The following PDE3A variants were observed in gnomAD, a reference collection of about 807,000 sequenced individuals.
PDE3A encodes the protein phosphodiesterase 3A.
In PDE3A, 43 loss-of-function variants were observed where a neutral mutation model predicts 98.3. The observed-to-expected ratio is 0.44, with a 90% CI of 0.34 to 0.56. The LOEUF (loss-of-function observed/expected upper bound fraction) is 0.56. PDE3A is among the 20% of genes least tolerant of loss of function. The pLI, the probability that PDE3A is intolerant of heterozygous loss-of-function variation, is 0.01. For missense variants in PDE3A, 1,427 were observed against 1,440.7 expected, an observed-to-expected ratio of 0.99 and a Z score of 0.15; for synonymous variants, 663 against 567.9, an observed-to-expected ratio of 1.17 and a Z score of -2.38.
chr12:20,515,174 T>G (rs1286304157), intron 1 of PDE3A, among the ~76,000 whole-genome samples: 3 of 152,174 alleles, frequency 2.0e-5, no homozygotes. Flanking sequence ...TCAACGTAAG[T>G]TTGAAGGGGA....
At chr12:20,540,755 T>C (rs900618266) in intron 1 of PDE3A, among the ~76,000 whole-genome samples, 1 of 152,072 alleles carries the variant, frequency 6.6e-6, no homozygotes, top group South Asian at 2.1e-4. Context: ...AATTTTTCTG[T>C]GGTAATTTCA....
intron 1 of PDE3A, among the ~76,000 whole-genome samples, chr12:20,536,867 G>T (rs556399468): frequency 1.3e-5 from 2 of 152,082 alleles, no homozygotes; most frequent in East Asian, 3.9e-4. Context: ...TCAAATTTTT[G>T]TGTGGATATT....
At chr12:20,406,378 C>T (rs1417577305) in intron 1 of PDE3A, among the ~76,000 whole-genome samples, 1 of 152,190 alleles carries the variant, frequency 6.6e-6, no homozygotes, top group Non-Finnish European at 1.5e-5. Context: ...CGTTTTTCCA[C>T]ACCCTTGCCA....
At chr12:20,499,882 G>A (rs1008024641) in intron 1 of PDE3A, among the ~76,000 whole-genome samples, 4 of 152,118 alleles carry the variant, frequency 2.6e-5, no homozygotes, top group African/African-American at 7.2e-5. Flanking sequence ...TTAGCTGTAC[G>A]CTTGTTAATC....
chr12:20,687,930 A>AAC lies in PDE3A; in HGVS notation c.*7660_*7661insCA, dbSNP rs1946019720. ...TTCCCAACAGAAAAAAAAAAAAAAA[A>AAC]AAAAAAACTGGCATTGGCAAGTTTT... On this transcript the variant is annotated 3_prime_UTR_variant, in exon 16 of 16. Coordinates refer to ENST00000359062, the MANE Select transcript of PDE3A (RefSeq NM_000921.5). 6.6e-6 allele frequency among the ~76,000 whole-genome samples: 1 copy of AAC among 151,010 alleles called. No homozygotes were observed. Among genetic ancestry groups the AAC allele is most frequent in the East Asian group, 1.9e-4 (1 of 5,148 alleles).
chr12:20,520,658 C>T (rs1441061273), intron 1 of PDE3A, among the ~76,000 whole-genome samples: 2 of 152,132 alleles, frequency 1.3e-5, no homozygotes, highest in Non-Finnish European at 2.9e-5. Flanking sequence ...GATCACATTG[C>T]CAAATGATTT....
At chr12:20,386,627 A>G (rs1943814572) in intron 1 of PDE3A, among the ~76,000 whole-genome samples, 1 of 151,916 alleles carries the variant, frequency 6.6e-6, no homozygotes, top group African/African-American at 2.4e-5. Context: ...AGTGAGAGCC[A>G]CTGCGCCTGG....
rs550878668 is a variant in PDE3A at position 20,663,381 on chromosome 12, C to G, written c.3184+9176C>G. Among the ~76,000 whole-genome samples the G allele has an allele frequency of 2.0e-5, 3 of 152,220 alleles. No homozygotes were observed. The East Asian group carries it at 5.8e-4, about 29-fold the overall frequency. On this transcript the variant is annotated intron_variant, in intron 15 of 15. Coordinates refer to ENST00000359062, the MANE Select transcript of PDE3A (RefSeq NM_000921.5). Reference sequence around the variant, plus strand: ...CCAGACCCCGGAATGGTAGATCCACCAACAGCTTGCACTGTGCACCTGGAA... The same window carrying G: ...CCAGACCCCGGAATGGTAGATCCACGAACAGCTTGCACTGTGCACCTGGAA...
chr12:20,626,262 C>T (rs1331737429), intron 5 of PDE3A, among the ~76,000 whole-genome samples: 1 of 146,796 alleles, frequency 6.8e-6, no homozygotes, highest in Non-Finnish European at 1.5e-5. Context: ...CATTTATCTC[C>T]CTATCTTTTT....
At chr12:20,673,381 C>T (rs1396037004) in intron 15 of PDE3A, among the ~76,000 whole-genome samples, 19 of 146,382 alleles carry the variant, frequency 1.3e-4, no homozygotes, top group Non-Finnish European at 2.7e-4. Context: ...AATCATGCTG[C>T]TATAAAGACA....
At position 20,423,706 on chromosome 12, in the gene PDE3A, C is replaced by T. The variant is rs535220180; in HGVS notation, c.960+53462C>T. Among the ~76,000 whole-genome samples the T allele has an allele frequency of 9.2e-5, 14 of 152,162 alleles. No homozygotes were observed. In the East Asian group the frequency reaches 2.7e-3, roughly 30 times the overall value. Reference sequence around the variant, plus strand: ...ATCCTTCTTATACCACCGGTATTACCGTGCCTCCTCTTAACAGTTTTGTTC... The same window carrying T: ...ATCCTTCTTATACCACCGGTATTACTGTGCCTCCTCTTAACAGTTTTGTTC... On this transcript the variant is annotated intron_variant, in intron 1 of 15. Transcript: ENST00000359062.
chr12:20,639,721 C>T (rs1257619679), intron 9 of PDE3A, 125 bp from the exon 10 acceptor site: 2 of 536,950 alleles, frequency 3.7e-6, no homozygotes, highest in East Asian at 3.0e-5. Flanking sequence ...TAAAAGGACA[C>T]CCTTCAGATT....
intron 1 of PDE3A, among the ~76,000 whole-genome samples, chr12:20,427,005 A>G (rs1396640287): frequency 6.6e-6 from 1 of 152,196 alleles, no homozygotes; most frequent in Non-Finnish European, 1.5e-5. Context: ...AGTCTATATA[A>G]TTGGTTTACT....
At chr12:20,468,961 T>A (rs1348479594) in intron 1 of PDE3A, among the ~76,000 whole-genome samples, 1 of 152,238 alleles carries the variant, frequency 6.6e-6, no homozygotes, top group East Asian at 1.9e-4. Context: ...GTATCATTAA[T>A]GTGGTCTAAT....
At position 20,528,846 on chromosome 12, in the gene PDE3A, A is replaced by G. The variant is rs926091301; in HGVS notation, c.961-27814A>G. Among the ~76,000 whole-genome samples, 13 of 105,580 alleles carry G rather than the reference A, an allele frequency of 1.2e-4. 1 individual carries two copies. Among genetic ancestry groups the G allele is most frequent in the African/African-American group, 3.9e-4 (13 of 33,380 alleles). 69.3% of individuals were successfully genotyped at this position (105,580 alleles called of 152,430 possible). On this transcript the variant is annotated intron_variant, in intron 1 of 15. Coordinates refer to ENST00000359062, the MANE Select transcript of PDE3A (RefSeq NM_000921.5). ...TATATCCTGAGAAGTATATATTTATAGATGAAACAGAGTATTTACAGAGAA... is the reference window on the plus strand; with the variant it reads ...TATATCCTGAGAAGTATATATTTATGGATGAAACAGAGTATTTACAGAGAA...
At chr12:20,658,574 T>A (rs998049876) in intron 15 of PDE3A, among the ~76,000 whole-genome samples, 5 of 152,084 alleles carry the variant, frequency 3.3e-5, no homozygotes, top group African/African-American at 1.2e-4. Flanking sequence ...AATGCTGCTG[T>A]GAGCTAGTGA....
At chr12:20,463,159 T>C (rs1015299993) in intron 1 of PDE3A, among the ~76,000 whole-genome samples, 1 of 152,040 alleles carries the variant, frequency 6.6e-6, no homozygotes, top group Non-Finnish European at 1.5e-5. Context: ...ATAAGAAGAG[T>C]AGCTATTGCC....
chr12:20,595,190 C>G (rs1943435814), intron 2 of PDE3A, among the ~76,000 whole-genome samples: 3 of 152,112 alleles, frequency 2.0e-5, no homozygotes, highest in Non-Finnish European at 4.4e-5. Flanking sequence ...CTCTACTCTG[C>G]TACTGTCTAT....
intron 1 of PDE3A, among the ~76,000 whole-genome samples, chr12:20,436,232 ACT>A (rs1944776657): frequency 1.3e-5 from 2 of 151,678 alleles, no homozygotes; most frequent in Admixed American, 1.3e-4. Context: ...ATTCCAAAAG[ACT>A]CTTTAGGAAG....
Sources: allele counts gnomAD v4.1 joint callset (sites outside exome capture counted in the v4.1 genomes callset), GRCh38; gene constraint gnomAD v4.1.1; transcripts MANE v1.5; gene names NCBI Gene and HGNC (gene_info 2026-07-23, HGNC 2026-07-21).